Variants in XIRP2 observed in about 807,000 individuals in gnomAD.
The protein encoded by XIRP2 is xin actin-binding repeat-containing protein 2.
Under a neutral mutation model 277.0 loss-of-function variants are expected in XIRP2, and 236 were observed. The ratio of observed to expected loss-of-function variants is 0.85; its 90% CI spans 0.77 to 0.95. The LOEUF is 0.95. Ranked by LOEUF, XIRP2 falls within the 40% of genes least tolerant of loss-of-function variation. XIRP2 has a pLI of 0.00. For missense variants in XIRP2, 4,640 were observed against 4,157.5 expected (o/e 1.12, Z -3.19); for synonymous variants, 1,490 against 1,416.5 (o/e 1.05, Z -1.17).
chr2:167,013,573 T>C (rs1222790081), intron 2 of XIRP2, among the ~76,000 whole-genome samples: 1 of 151,254 alleles, frequency 6.6e-6, no homozygotes, highest in Admixed American at 6.6e-5. Flanking sequence ...TATATAGAAG[T>C]CCTAAAATAA....
At chr2:167,145,223 C>A (rs991801045) in intron 3 of XIRP2, among the ~76,000 whole-genome samples, 3 of 152,116 alleles carry the variant, frequency 2.0e-5, no homozygotes, top group Admixed American at 6.5e-5. Flanking sequence ...CATTTCTATA[C>A]TCTTGTTATC....
In XIRP2 at chr2:167,251,434, G is replaced by A. The variant is rs373017770; in HGVS notation, c.10042G>A (p.Ala3348Thr). The change falls in exon 9 of 11, where the codon GCA becomes ACA. Residue 3348 changes from alanine (A) to threonine (T), a missense_variant. Coordinates refer to ENST00000409195, the MANE Select transcript of XIRP2 (RefSeq NM_152381.6). The part of the protein sequence containing the change: ...REFEHGPVSE[A>T]KSNRRVYAKG... ...ATTTGAGCATGGCCCAGTTTCTGAA[G>A]CAAAGTCAAATAGAAGAGTTTATGC... The A allele has an allele frequency of 3.8e-5, 62 of 1,613,570 alleles. No individual in the cohort carries two copies. The highest frequency in any genetic ancestry group is 5.3e-5 in the Non-Finnish European group (62 of 1,179,672).
At chr2:166,896,085 A>G (rs1318210318) in intron 1 of XIRP2, among the ~76,000 whole-genome samples, 2 of 152,190 alleles carry the variant, frequency 1.3e-5, no homozygotes, top group Non-Finnish European at 2.9e-5. Context: ...ACTTTGAACT[A>G]CAGTTATATG....
At chr2:166,904,172 T>C (rs1261405808) in intron 2 of XIRP2, among the ~76,000 whole-genome samples, 1 of 152,302 alleles carries the variant, frequency 6.6e-6, no homozygotes, top group African/African-American at 2.4e-5. Context: ...ACAACTACGT[T>C]GTAAATTCCT....
rs1694014782 is a variant in XIRP2 at position 167,211,018 on chromosome 2, T to G, written c.723+123T>G. 7.4e-6 allele frequency: 9 copies of G among 1,219,000 alleles called. No individual in the cohort carries two copies. In the South Asian group the frequency reaches 8.1e-5, roughly 11 times the overall value. The allele number at this position is 1,219,000 out of a possible 1,614,324, so 75.5% of individuals were successfully genotyped here. A position where few individuals can be genotyped will look rare whatever the true frequency, so the allele number is the denominator to read the frequency against. On this transcript the variant is annotated intron_variant, in intron 4 of 10. Coordinates refer to ENST00000409195, the MANE Select transcript of XIRP2 (RefSeq NM_152381.6). ...GGCTAAAGTAGAAAGAGCACAAAAA[T>G]AGTGTGTGAAATAAATCCAGACTAT...
chr2:167,165,293 A>G (rs1005923623), intron 3 of XIRP2, among the ~76,000 whole-genome samples: 2 of 152,206 alleles, frequency 1.3e-5, no homozygotes, highest in African/African-American at 4.8e-5. Context: ...TCATATGTAA[A>G]CCTGCTATGA....
chr2:167,085,663 CTTG>C (rs1261247630), intron 2 of XIRP2, among the ~76,000 whole-genome samples: 2 of 151,952 alleles, frequency 1.3e-5, no homozygotes, highest in African/African-American at 2.4e-5. Context: ...ATAGTTAGCT[CTTG>C]TTGTTGAATT....
At chr2:167,252,862 A>G (rs947161511) in intron 9 of XIRP2, among the ~76,000 whole-genome samples, 9 of 151,956 alleles carry the variant, frequency 5.9e-5, no homozygotes, top group African/African-American at 2.2e-4. Context: ...TTTGCAACAT[A>G]TGTGTCTAGT....
At chr2:166,931,097 G>C (rs1685321945) in intron 2 of XIRP2, among the ~76,000 whole-genome samples, 1 of 152,098 alleles carries the variant, frequency 6.6e-6, no homozygotes, top group Non-Finnish European at 1.5e-5. Flanking sequence ...TCAGAAAATA[G>C]CTGGAGACTG....
At chr2:166,940,263 C>T (rs558771867) in intron 2 of XIRP2, among the ~76,000 whole-genome samples, 1 of 152,220 alleles carries the variant, frequency 6.6e-6, no homozygotes, top group Non-Finnish European at 1.5e-5. Context: ...GTGCATTCAT[C>T]ACGTAGTTCT....
At chr2:167,241,654 C>T (rs924300645) in intron 7 of XIRP2, 123 bp from the exon 8 acceptor site, 20 of 1,120,384 alleles carry the variant, frequency 1.8e-5, no homozygotes, top group Middle Eastern at 2.9e-4. Context: ...AAGTAATCTT[C>T]GCACCTCAGT....
At chr2:167,153,515 G>C (rs1435320342) in intron 3 of XIRP2, among the ~76,000 whole-genome samples, 2 of 151,682 alleles carry the variant, frequency 1.3e-5, no homozygotes, top group Non-Finnish European at 2.9e-5. Flanking sequence ...CCATTAACTC[G>C]TCATTTAGCA....
chr2:167,161,917 C>T (rs1180910830), intron 3 of XIRP2, among the ~76,000 whole-genome samples: 1 of 152,200 alleles, frequency 6.6e-6, no homozygotes, highest in Admixed American at 6.5e-5. Context: ...CCCAAGTCAC[C>T]TCTTGAATGG....
At chr2:167,211,502 T>C (rs1477798925) in intron 4 of XIRP2, among the ~76,000 whole-genome samples, 2 of 152,246 alleles carry the variant, frequency 1.3e-5, no homozygotes, top group Non-Finnish European at 2.9e-5. Flanking sequence ...AGACAATTTA[T>C]GTGTAAGCCA....
chr2:167,246,039 C>T lies in XIRP2; in HGVS notation c.4647C>T (p.Gly1549=). The T allele has an allele frequency of 6.2e-7, 1 of 1,613,390 alleles. No individual in the cohort carries two copies. Among genetic ancestry groups the T allele is most frequent in the Non-Finnish European group, 8.5e-7 (1 of 1,179,714 alleles). ...ETRVEKIEII[G]KSIKETLEDL... is the part of the protein sequence containing the mutation. ...GAGTAGAAAAGATAGAAATTATTGG[C>T]AAGAGCATTAAAGAAACCTTAGAAG... Residue 1549 remains glycine (G), a synonymous_variant, in exon 9 of 11, where the codon GGC becomes GGT. Coordinates refer to ENST00000409195, the MANE Select transcript of XIRP2 (RefSeq NM_152381.6).
chr2:167,167,945 C>T (rs1692574505), intron 3 of XIRP2, among the ~76,000 whole-genome samples: 1 of 152,106 alleles, frequency 6.6e-6, no homozygotes. Context: ...CAAATTTCCT[C>T]ATTTTTTTAA....
At chr2:167,084,477 C>T (rs1399538603) in intron 2 of XIRP2, among the ~76,000 whole-genome samples, 110 of 150,660 alleles carry the variant, frequency 7.3e-4, no homozygotes, top group Middle Eastern at 3.5e-3. Context: ...GGGAGGATTC[C>T]CTCTTTTTCT....
At chr2:166,939,677 C>CACA (rs1470456856) in intron 2 of XIRP2, among the ~76,000 whole-genome samples, 1 of 53,864 alleles carries the variant, frequency 1.9e-5, no homozygotes, top group Non-Finnish European at 3.3e-5. Context: ...AAGACTCCAT[C>CACA]ACAAAAAAAA....
intron 2 of XIRP2, among the ~76,000 whole-genome samples, chr2:167,080,335 G>T (rs1236885923): frequency 6.6e-6 from 1 of 152,158 alleles, no homozygotes; most frequent in East Asian, 1.9e-4. Flanking sequence ...ATCCCAGAGA[G>T]ATAAAACAGG....
Sources: gnomAD v4.1 joint callset for allele counts (sites outside exome capture counted in the v4.1 genomes callset) on GRCh38, gnomAD v4.1.1 for gene constraint, MANE v1.5 for transcripts, NCBI Gene and HGNC (gene_info 2026-07-23, HGNC 2026-07-21) for gene names.